The following TEX9 variants were observed in gnomAD, a reference collection of about 807,000 sequenced individuals.
TEX9 encodes the protein testis expressed 9, also known as testis-expressed protein 9.
In TEX9, 74 loss-of-function variants were observed where a neutral mutation model predicts 59.6. That is an observed-to-expected ratio of 1.24 (90% CI 1.03 to 1.51). The LOEUF is 1.51. TEX9 is among the 40% of genes most tolerant of loss of function. TEX9 has a pLI of 0.00. For synonymous variants in TEX9, 186 were observed against 152.2 expected, an observed-to-expected ratio of 1.22 and a Z score of -1.64; for missense variants, 522 against 447.8, an observed-to-expected ratio of 1.17 and a Z score of -1.49.
intron 10 of TEX9, among the ~76,000 whole-genome samples, chr15:56,418,358 G>T (rs927203868): frequency 6.6e-6 from 1 of 151,660 alleles, no homozygotes; most frequent in Admixed American, 6.6e-5. Flanking sequence ...CAAGAGCTTT[G>T]GTAAGGCAGG....
At chr15:56,415,459 GC>G (rs775417810) in intron 10 of TEX9, among the ~76,000 whole-genome samples, 11 of 152,024 alleles carry the variant, frequency 7.2e-5, no homozygotes, top group Non-Finnish European at 1.3e-4. Flanking sequence ...CAAATGGCTA[GC>G]CAGTTATCCC....
chr15:56,250,328 C>T (rs750418938), intron 1 of TEX9, among the ~76,000 whole-genome samples: 3 of 152,000 alleles, frequency 2.0e-5, no homozygotes, highest in Non-Finnish European at 2.9e-5. Context: ...TTAAAAGTGG[C>T]GTGGAGGACT....
intron 1 of TEX9, among the ~76,000 whole-genome samples, chr15:56,317,407 A>G (rs752693743): frequency 1.3e-5 from 2 of 152,174 alleles, no homozygotes; most frequent in Non-Finnish European, 2.9e-5. Flanking sequence ...AATGTTAGCA[A>G]TTTAAGTTTT....
chr15:56,323,160 T>G (rs776347306), intron 1 of TEX9: 1 of 217,932 alleles, frequency 4.6e-6, no homozygotes, highest in Non-Finnish European at 9.8e-6. Context: ...TGTCCTCATA[T>G]GCATTCTTTG....
chr15:56,254,843 T>C (rs1328807827), intron 1 of TEX9, among the ~76,000 whole-genome samples: 2 of 151,396 alleles, frequency 1.3e-5, no homozygotes, highest in African/African-American at 2.4e-5. Flanking sequence ...GTTCAAGATA[T>C]TACATCCATG....
chr15:56,366,424 T>C (rs2046947567), intron 2 of TEX9, among the ~76,000 whole-genome samples: 1 of 152,228 alleles, frequency 6.6e-6, no homozygotes, highest in South Asian at 2.1e-4. Context: ...GTTTTCTTTC[T>C]ATCTCAGGAA....
At chr15:56,259,033 A>G (rs1201337554) in intron 1 of TEX9, among the ~76,000 whole-genome samples, 2 of 151,874 alleles carry the variant, frequency 1.3e-5, no homozygotes, top group Non-Finnish European at 2.9e-5. Context: ...ATGCCTTTCA[A>G]TAAACATAAC....
intron 2 of TEX9, among the ~76,000 whole-genome samples, 157 bp from the exon 3 acceptor site, chr15:56,373,284 G>T (rs1204374948): frequency 1.3e-5 from 2 of 152,174 alleles, no homozygotes; most frequent in Non-Finnish European, 2.9e-5. Context: ...GGGAGTTGAG[G>T]ATAAGTTCTT....
exon 2 of TEX9, chr15:56,365,627 T>G: frequency 6.2e-7 from 1 of 1,614,170 alleles, no homozygotes; most frequent in Non-Finnish European, 8.5e-7. Context: ...TCAGCAACCC[T>G]CTACACCTGG....
At chr15:56,310,325 G>T (rs1211605733) in intron 1 of TEX9, among the ~76,000 whole-genome samples, 1 of 152,188 alleles carries the variant, frequency 6.6e-6, no homozygotes, top group Non-Finnish European at 1.5e-5. Context: ...CCAGCTATTT[G>T]GGAGGCTGAG....
At chr15:56,343,162 A>T (rs1296603811) in intron 1 of TEX9, among the ~76,000 whole-genome samples, 1 of 152,140 alleles carries the variant, frequency 6.6e-6, no homozygotes, top group Non-Finnish European at 1.5e-5. Flanking sequence ...TAGATCAAAG[A>T]AGAAGTTACT....
At chr15:56,409,355 A>C (rs28572531) in intron 9 of TEX9, among the ~76,000 whole-genome samples, 6,365 of 152,236 alleles carry the variant, frequency 0.042, 345 homozygotes, top group African/African-American at 0.12. Flanking sequence ...TTCTCTTATC[A>C]AAACCTAACA....
rs2046185851 is a variant in TEX9, at chr15:56,310,942, G to A, written c.-106-62499G>A. ...CTCCTTCCGATTGCAGAGAGAGGTT[G>A]CTCTGGAAAGTCATAGGGAAGGGCC... is the stretch of plus-strand genomic sequence containing the variant. On this transcript the variant is annotated intron_variant, in intron 1 of 5. Transcript: ENST00000560827. Among the ~76,000 whole-genome samples the A allele has an allele frequency of 2.0e-5, 3 of 152,212 alleles. No homozygotes were observed. The South Asian group carries it at 6.2e-4, about 32-fold the overall frequency.
chr15:56,368,765 T>C (rs961396125), intron 2 of TEX9, among the ~76,000 whole-genome samples: 4 of 152,144 alleles, frequency 2.6e-5, no homozygotes, highest in Non-Finnish European at 4.4e-5. Context: ...CTCCTTTTGG[T>C]AGCTTTCCAA....
chr15:56,431,251 C>CCAT (rs1488492542), intron 12 of TEX9: 2 of 1,091,304 alleles, frequency 1.8e-6, no homozygotes, highest in Admixed American at 4.8e-5. Flanking sequence ...CAGGAGGATC[C>CCAT]CATTGCTGCT....
At chr15:56,324,505 G>A (rs192863483) in intron 1 of TEX9, among the ~76,000 whole-genome samples, 1 of 152,088 alleles carries the variant, frequency 6.6e-6, no homozygotes, top group African/African-American at 2.4e-5. Flanking sequence ...AACTGAGAGG[G>A]TTTGTTAATT....
intron 12 of TEX9, among the ~76,000 whole-genome samples, chr15:56,441,937 G>A (rs1294647461): frequency 4.0e-5 from 6 of 151,770 alleles, no homozygotes; most frequent in South Asian, 2.1e-4. Flanking sequence ...GGAGAATGGC[G>A]TGAACCCGGG....
rs148335688 is a variant in TEX9 at position 56,414,948 on chromosome 15, G to A, written c.963+2512G>A. Among the ~76,000 whole-genome samples, 31 of 151,778 alleles carry A rather than the reference G, an allele frequency of 2.0e-4. 1 individual carries two copies. Among genetic ancestry groups the A allele is most frequent in the African/African-American group, 7.3e-4 (30 of 41,170 alleles). On this transcript the variant is annotated intron_variant, in intron 10 of 12. Coordinates refer to ENST00000352903, the Ensembl canonical transcript of TEX9. ...ATAGCCATTCTGACTGGTGTGAGGT[G>A]GTATTTAATTGTGGTTTTGATGTGC...
At chr15:56,392,037 G>C (rs1312931894) in intron 7 of TEX9, among the ~76,000 whole-genome samples, 1 of 151,818 alleles carries the variant, frequency 6.6e-6, no homozygotes, top group Non-Finnish European at 1.5e-5. Flanking sequence ...AAAAAAGTAA[G>C]ACAATTGAGT....
Sources: allele counts gnomAD v4.1 joint callset (sites outside exome capture counted in the v4.1 genomes callset), GRCh38; gene constraint gnomAD v4.1.1; transcripts MANE v1.5; gene names NCBI Gene and HGNC (gene_info 2026-07-23, HGNC 2026-07-21).